C12orf42: variants seen among roughly 807,000 people sequenced by gnomAD.
The protein encoded by C12orf42 is chromosome 12 open reading frame 42.
A neutral mutation model predicts 21.6 loss-of-function variants in C12orf42; 25 were observed. The ratio of observed to expected loss-of-function variants is 1.16; its 90% confidence interval spans 0.84 to 1.62. The LOEUF (loss-of-function observed/expected upper bound fraction) is 1.62, where lower values mean the gene tolerates loss of function less well. C12orf42 is among the 40% of genes most tolerant of loss of function. The probability of loss-of-function intolerance (pLI) is 0.00; values close to 1 mark genes in which losing one functional copy is unlikely to be tolerated. For missense variants in C12orf42, 483 were observed against 459.3 expected (o/e 1.05, Z -0.47); for synonymous variants, 174 against 175.0 (o/e 0.99, Z 0.05).
At chr12:103,264,328 A>C (rs2035058616), downstream of C12orf42, among the ~76,000 whole-genome samples, 2 of 150,428 alleles carry the variant, frequency 1.3e-5, no homozygotes, top group Admixed American at 6.6e-5. Flanking sequence ...ATTCTCCCTA[A>C]GCACTGTTGA....
chr12:103,241,183 TAAAAAAAAAA>T (rs10537065), intron 10 of C12orf42, among the ~76,000 whole-genome samples: 9 of 142,974 alleles, frequency 6.3e-5, no homozygotes, highest in African/African-American at 2.3e-4. Flanking sequence ...CTGTTTTGTT[TAAAAAAAAAA>T]AAAAAAGAAA....
At chr12:103,091,162 A>G in the C12orf42 span, among the ~76,000 whole-genome samples, 1 of 152,188 alleles carries the variant, frequency 6.6e-6, no homozygotes, top group Non-Finnish European at 1.5e-5. Context: ...ATTCTAGCAC[A>G]TTCATGTGGG....
At chr12:103,286,577 T>C (rs1269397268) in intron 4 of C12orf42, among the ~76,000 whole-genome samples, 1 of 151,252 alleles carries the variant, frequency 6.6e-6, no homozygotes, top group East Asian at 1.9e-4. Flanking sequence ...ACTTTAGCCA[T>C]TATTATTATC....
At chr12:103,386,955 G>A (rs926380595) in intron 3 of C12orf42, among the ~76,000 whole-genome samples, 6 of 152,240 alleles carry the variant, frequency 3.9e-5, no homozygotes, top group African/African-American at 1.2e-4. Flanking sequence ...CCTGCAGCTC[G>A]CAGTTCACAG....
chr12:103,070,958 G>A, the C12orf42 span, among the ~76,000 whole-genome samples: 3 of 152,160 alleles, frequency 2.0e-5, no homozygotes, highest in Non-Finnish European at 4.4e-5. Context: ...TTTTCAAGTG[G>A]TGAATCGTTA....
chr12:103,421,270 T>A (rs1266068649), intron 2 of C12orf42, among the ~76,000 whole-genome samples: 1 of 152,062 alleles, frequency 6.6e-6, no homozygotes, highest in African/African-American at 2.4e-5. Context: ...CAAATAAATA[T>A]AAATGTAAGA....
chr12:103,234,796 T>C (rs998659466), downstream of C12orf42, among the ~76,000 whole-genome samples: 24 of 152,278 alleles, frequency 1.6e-4, no homozygotes, highest in Admixed American at 1.6e-3. Context: ...CTTCTGAACA[T>C]ATATACAGCA....
chr12:103,099,287 C>T, the C12orf42 span, among the ~76,000 whole-genome samples: 1 of 152,268 alleles, frequency 6.6e-6, no homozygotes, highest in East Asian at 1.9e-4. Context: ...ATGTGGATTA[C>T]CTAACTGAAC....
At chr12:103,305,073 C>A (rs2038132193) in intron 5 of C12orf42, among the ~76,000 whole-genome samples, 1 of 152,114 alleles carries the variant, frequency 6.6e-6, no homozygotes, top group Non-Finnish European at 1.5e-5. Flanking sequence ...AAATAAAATA[C>A]ACTAACACTG....
chr12:103,131,697 A>T, the C12orf42 span, among the ~76,000 whole-genome samples: 1 of 152,188 alleles, frequency 6.6e-6, no homozygotes, highest in Non-Finnish European at 1.5e-5. Context: ...AGTTATAGTC[A>T]TTTGGGTAGG....
At chr12:103,502,821 T>A in the C12orf42 span, among the ~76,000 whole-genome samples, 1 of 152,068 alleles carries the variant, frequency 6.6e-6, no homozygotes, top group African/African-American at 2.4e-5. Context: ...GAACCCTCAG[T>A]CTGTGGTATA....
At chr12:103,083,935 T>C in the C12orf42 span, among the ~76,000 whole-genome samples, 3 of 152,294 alleles carry the variant, frequency 2.0e-5, no homozygotes, top group Non-Finnish European at 4.4e-5. Context: ...CAACAGCCTG[T>C]TGGAAAATTC....
At chr12:103,424,240 T>C (rs959066259) in intron 2 of C12orf42, among the ~76,000 whole-genome samples, 1 of 152,358 alleles carries the variant, frequency 6.6e-6, no homozygotes, top group Non-Finnish European at 1.5e-5. Flanking sequence ...AGCTAATGAA[T>C]CTACGAACTG....
In C12orf42 at chr12:103,302,059, C is replaced by T; in HGVS notation, c.*49G>A. The T allele has an allele frequency of 6.4e-7, 1 of 1,556,264 alleles. No homozygotes were observed. The highest frequency in any genetic ancestry group is 8.7e-7 in the Non-Finnish European group (1 of 1,143,520). ...GGCCCTTTCTGTTGTTCTGAGCAGG[C>T]ATTGATTTGAAGATGGGCAGCACTC... On this transcript the variant is annotated 3_prime_UTR_variant, in exon 6 of 6. Coordinates refer to ENST00000548883, the MANE Select transcript of C12orf42 (RefSeq NM_198521.5).
the C12orf42 span, among the ~76,000 whole-genome samples, chr12:103,171,109 C>CCAAGATTGTCACCTTTATTTATTGA: frequency 7.9e-5 from 12 of 152,078 alleles, no homozygotes; most frequent in Admixed American, 4.6e-4. Context: ...TAACACTCAT[C>CCAAGATTGTCACCTTTATTTATTGA]CAAGATTGTC....
the C12orf42 span, among the ~76,000 whole-genome samples, chr12:103,114,802 T>C: frequency 6.6e-6 from 1 of 152,350 alleles, no homozygotes; most frequent in East Asian, 1.9e-4. Context: ...TTTTTCTGTT[T>C]ATTACCCCAA....
At chr12:103,391,458 A>G (rs1402722527) in intron 3 of C12orf42, among the ~76,000 whole-genome samples, 1 of 152,066 alleles carries the variant, frequency 6.6e-6, no homozygotes, top group African/African-American at 2.4e-5. Flanking sequence ...AATAACAACC[A>G]TTATGATGGG....
intron 5 of C12orf42, among the ~76,000 whole-genome samples, chr12:103,304,287 T>C (rs2038047502): frequency 6.6e-6 from 1 of 152,130 alleles, no homozygotes; most frequent in African/African-American, 2.4e-5. Context: ...TGATCAGCAG[T>C]ATTCTAGACC....
chr12:103,071,033 G>T, the C12orf42 span, among the ~76,000 whole-genome samples: 1 of 152,108 alleles, frequency 6.6e-6, no homozygotes, highest in African/African-American at 2.4e-5. Flanking sequence ...AAATGCCAGT[G>T]ATGCTGTATT....
Sources: allele counts gnomAD v4.1 joint callset (sites outside exome capture counted in the v4.1 genomes callset), GRCh38; gene constraint gnomAD v4.1.1; transcripts MANE v1.5; gene names NCBI Gene and HGNC (gene_info 2026-07-23, HGNC 2026-07-21).